Variants in KCTD19 observed in about 807,000 individuals in gnomAD.
KCTD19 encodes potassium channel tetramerization domain containing 19, also known as BTB/POZ domain-containing protein KCTD19.
Under a neutral mutation model 103.5 loss-of-function variants are expected in KCTD19, and 67 were observed. The ratio of observed to expected loss-of-function variants is 0.65; its 90% CI spans 0.53 to 0.79. The LOEUF (loss-of-function observed/expected upper bound fraction) is 0.79. Ranked by LOEUF, KCTD19 falls within the 30% of genes least tolerant of loss-of-function variation. KCTD19 has a pLI of 0.00. For synonymous variants in KCTD19, 439 were observed against 452.2 expected (o/e 0.97, Z 0.37); for missense variants, 980 against 1,136.1 (o/e 0.86, Z 1.98).
At chr16:67,302,957 A>G (rs905118439) in intron 4 of KCTD19, 189 bp downstream of exon 4, 1 of 597,346 alleles carries the variant, frequency 1.7e-6, no homozygotes, top group Non-Finnish European at 2.9e-6. Context: ...AACAGCCCTG[A>G]GTCTAGTGAG....
chr16:67,315,080 C>T (rs1235782197), intron 2 of KCTD19, among the ~76,000 whole-genome samples: 1 of 151,730 alleles, frequency 6.6e-6, no homozygotes, highest in East Asian at 1.9e-4. Context: ...AGGCTGGTCT[C>T]GAACTTCTGG....
At chr16:67,299,880 G>A (rs1335935622) in intron 5 of KCTD19, 1 of 394,094 alleles carries the variant, frequency 2.5e-6, no homozygotes, top group Non-Finnish European at 4.5e-6. Flanking sequence ...CTCTGCAGGA[G>A]TCTTCATTAG....
intron 4 of KCTD19, chr16:67,302,507 G>C (rs1167646949): frequency 6.4e-6 from 1 of 156,974 alleles, no homozygotes; most frequent in Non-Finnish European, 1.4e-5. Context: ...TATCTATCTA[G>C]ACAGCAGTAG....
intron 12 of KCTD19, among the ~76,000 whole-genome samples, chr16:67,292,399 T>G (rs1176891358): frequency 6.6e-6 from 1 of 152,216 alleles, no homozygotes; most frequent in Non-Finnish European, 1.5e-5. Context: ...AGCCAAATCC[T>G]GAACATTTTG....
intron 5 of KCTD19, chr16:67,301,242 G>T (rs1008067347): frequency 1.3e-5 from 2 of 153,764 alleles, no homozygotes; most frequent in Non-Finnish European, 2.9e-5. Flanking sequence ...GAGCACGAAG[G>T]CCTAGGCTGG....
chr16:67,300,642 A>C lies in KCTD19; in HGVS notation c.776-1069T>G, dbSNP rs1341877538. On this transcript the variant is annotated intron_variant, in intron 5 of 15. Coordinates refer to ENST00000304372, the MANE Select transcript of KCTD19 (RefSeq NM_001100915.3). This position sits in a 1 kb window ranked among gnomAD's most constrained non-coding sequence, Gnocchi z 4.5. ...CCTGCTGGAGCATGCCACTCCCCAC[A>C]AAGAGGATGGGTTTCTTTTTTGAGA... 2 of 152,452 alleles carry C rather than the reference A, an allele frequency of 1.3e-5. No homozygotes were observed. The highest frequency in any genetic ancestry group is 1.5e-5 in the Non-Finnish European group (1 of 68,266). 9.4% of individuals were successfully genotyped at this position (152,452 alleles called of 1,614,324 possible).
rs1476137503 is a variant in KCTD19 at position 67,291,420 on chromosome 16, A to AAT, written c.2453_2454insAT (p.Phe818LeufsTer50). On this transcript the variant is annotated frameshift_variant, in exon 14 of 16. Coordinates refer to ENST00000304372, the MANE Select transcript of KCTD19 (RefSeq NM_001100915.3). LOFTEE classifies it high-confidence loss of function. The stretch of plus-strand genomic sequence containing the variant: ...GGAAGCAGTGACATTTCTGTGCATA[A>AAT]AACATCTCTTCCCAGGACAGAGAGA... The AAT allele has an allele frequency of 4.3e-6, 7 of 1,614,192 alleles. No individual in the cohort carries two copies. Among genetic ancestry groups the AAT allele is most frequent in the Non-Finnish European group, 5.1e-6 (6 of 1,180,034 alleles).
chr16:67,296,315 T>C lies in KCTD19; in HGVS notation c.1148-56A>G, dbSNP rs2036764785. The C allele has an allele frequency of 2.7e-6, 3 of 1,099,028 alleles. 1 individual carries two copies. In the South Asian group the frequency reaches 3.7e-5, roughly 14 times the overall value. The allele number at this position is 1,099,028 out of a possible 1,614,324, so 68.1% of individuals were successfully genotyped here. Reference sequence around the variant, plus strand: ...TCATATGGCCAGAAGGGAAAGCAGGTAGGGCCCTTTGGTTAGTAGTGTATT... The same window carrying C: ...TCATATGGCCAGAAGGGAAAGCAGGCAGGGCCCTTTGGTTAGTAGTGTATT... On this transcript the variant is annotated intron_variant, in intron 7 of 15. Transcript: ENST00000304372.
At chr16:67,305,906 A>C (rs2036887636) in intron 2 of KCTD19, among the ~76,000 whole-genome samples, 2 of 152,108 alleles carry the variant, frequency 1.3e-5, no homozygotes, top group South Asian at 4.1e-4. Flanking sequence ...GTGCCCGCAT[A>C]ATCACTTAAG....
At position 67,304,604 on chromosome 16, in the gene KCTD19, T is replaced by C. The variant is rs762347359; in HGVS notation, c.301-33A>G. ...ATAATGAAGAGTACTATCTTGAGAATCTAAACCAAGTAACTATGTACCAAT... is the reference window on the plus strand; with the variant it reads ...ATAATGAAGAGTACTATCTTGAGAACCTAAACCAAGTAACTATGTACCAAT... On this transcript the variant is annotated intron_variant, in intron 2 of 15. Coordinates refer to ENST00000304372, the MANE Select transcript of KCTD19 (RefSeq NM_001100915.3). 3.1e-5 allele frequency: 49 copies of C among 1,581,902 alleles called. No individual in the cohort carries two copies. In the South Asian group the frequency reaches 5.3e-4, roughly 17 times the overall value.
Position 67,297,500 on chromosome 16 carries a change from T to C in KCTD19, c.1147+3A>G, listed in dbSNP as rs2036778350. ...ATTCAAACCTAGAAGCTTTCTCACT[T>C]ACTGAGCACATCCATGGGTGCCAAA... On this transcript the variant is annotated splice_donor_region_variant and intron_variant, in intron 7 of 15. Transcript: ENST00000304372. The C allele has an allele frequency of 6.2e-7, 1 of 1,613,910 alleles. No individual in the cohort carries two copies. The highest frequency in any genetic ancestry group is 1.1e-5 in the South Asian group (1 of 91,026).
rs1177204797 is a variant in KCTD19, at chr16:67,304,605, C to G, written c.301-34G>C. 2.5e-6 allele frequency: 4 copies of G among 1,572,772 alleles called. No homozygotes were observed. The South Asian group carries it at 4.4e-5, about 17-fold the overall frequency. On this transcript the variant is annotated intron_variant, in intron 2 of 15. Transcript: ENST00000304372. ...TAATGAAGAGTACTATCTTGAGAAT[C>G]TAAACCAAGTAACTATGTACCAATT... is the stretch of plus-strand genomic sequence containing the variant.
chr16:67,302,421 T>A (rs749637582), intron 4 of KCTD19: 5 of 160,968 alleles, frequency 3.1e-5, no homozygotes, highest in Admixed American at 6.1e-5. Context: ...CAGACAACTT[T>A]CTAGGTGACT....
intron 2 of KCTD19, among the ~76,000 whole-genome samples, chr16:67,314,947 C>T (rs540400519): frequency 1.3e-5 from 2 of 149,564 alleles, no homozygotes; most frequent in Non-Finnish European, 3.0e-5. Context: ...CCTTGACCTC[C>T]CTGGCTCAGG....
chr16:67,313,834 C>T (rs890399573), intron 2 of KCTD19, among the ~76,000 whole-genome samples: 4 of 150,682 alleles, frequency 2.7e-5, no homozygotes, highest in Non-Finnish European at 5.9e-5. Context: ...GCTGGGATTA[C>T]AGGCATGAGC....
In KCTD19 at chr16:67,291,338, T is replaced by C; in HGVS notation, c.2536A>G (p.Lys846Glu). The change falls in exon 14 of 16, where the codon AAG becomes GAG. Residue 846 changes from lysine to glutamate, a missense_variant. By Grantham distance (56) the Lys-to-Glu change is moderately conservative. Coordinates refer to ENST00000304372, the MANE Select transcript of KCTD19 (RefSeq NM_001100915.3). ...RQKDPKAITA[K>E]VVSLANRLWT... ...AGCCGATTGGCCAGGGAGACCACCT[T>C]GGCTGTGATGGCTTTGGGGTCCTTT... The C allele has an allele frequency of 6.2e-7, 1 of 1,613,990 alleles. No homozygotes were observed. The highest frequency in any genetic ancestry group is 8.5e-7 in the Non-Finnish European group (1 of 1,180,020).
At chr16:67,313,389 C>T (rs1333151293) in intron 2 of KCTD19, among the ~76,000 whole-genome samples, 2 of 152,060 alleles carry the variant, frequency 1.3e-5, no homozygotes, top group African/African-American at 4.8e-5. Context: ...GGATTACAGG[C>T]GTGAGCCACC....
At chr16:67,321,976 AC>A (rs1027886508) in intron 1 of KCTD19, 3 of 152,620 alleles carry the variant, frequency 2.0e-5, no homozygotes, top group African/African-American at 7.2e-5. Flanking sequence ...CAGCCAGATC[AC>A]CCTCACATCC....
chr16:67,292,144 C>T (rs1056711975), intron 12 of KCTD19, among the ~76,000 whole-genome samples: 9 of 152,210 alleles, frequency 5.9e-5, no homozygotes, highest in Middle Eastern at 3.2e-3. Flanking sequence ...GGATTACAGG[C>T]GTGAGCCACA....
Sources: allele counts gnomAD v4.1 joint callset (sites outside exome capture counted in the v4.1 genomes callset), GRCh38; gene constraint gnomAD v4.1.1; non-coding constraint Gnocchi (gnomAD v3.1); transcripts MANE v1.5; gene names NCBI Gene and HGNC (gene_info 2026-07-23, HGNC 2026-07-21).